EYS: variants seen among roughly 807,000 people sequenced by gnomAD.
The protein encoded by EYS is EGF-like photoreceptor maintenance factor.
A neutral mutation model predicts 282.1 loss-of-function variants in EYS; 250 were observed. That is an observed-to-expected ratio of 0.89 (90% CI 0.80 to 0.98). The LOEUF (loss-of-function observed/expected upper bound fraction) is 0.98, where lower values mean the gene tolerates loss of function less well. Among genes scored for constraint, EYS ranks in the 50% least tolerant of loss-of-function variants. The pLI, the probability that EYS is intolerant of heterozygous loss-of-function variation, is 0.00. For missense variants in EYS, 4,016 were observed against 3,709.0 expected (o/e 1.08, Z -2.15); for synonymous variants, 1,355 against 1,282.9 (o/e 1.06, Z -1.20).
chr6:64,581,243 T>C (rs759743947), intron 26 of EYS, among the ~76,000 whole-genome samples: 1 of 152,004 alleles, frequency 6.6e-6, no homozygotes, highest in East Asian at 1.9e-4. Context: ...GATTCTAACA[T>C]TTAAGTGGTC....
At chr6:64,853,627 G>A (rs1453692495) in intron 19 of EYS, among the ~76,000 whole-genome samples, 1 of 152,134 alleles carries the variant, frequency 6.6e-6, no homozygotes, top group Non-Finnish European at 1.5e-5. Context: ...AAGCAGCTTG[G>A]TATTGGTAAC....
chr6:65,601,742 G>A (rs897813331), intron 2 of EYS, among the ~76,000 whole-genome samples: 9 of 152,014 alleles, frequency 5.9e-5, no homozygotes, highest in African/African-American at 2.2e-4. Flanking sequence ...GAATTTGTGG[G>A]AAAATGTCAA....
chr6:64,587,029 A>C (rs76764158), intron 26 of EYS, among the ~76,000 whole-genome samples: 1,707 of 152,208 alleles, frequency 0.011, 50 homozygotes, highest in East Asian at 0.11. Context: ...CAAAGACGTC[A>C]GAGAAAAGGA....
chr6:65,313,595 C>T (rs1389972096), intron 11 of EYS, among the ~76,000 whole-genome samples: 5 of 150,738 alleles, frequency 3.3e-5, no homozygotes, highest in South Asian at 2.1e-4. Context: ...GTTATTCTCA[C>T]GTTAGCTGTT....
At chr6:64,219,459 A>G (rs1766026253) in intron 31 of EYS, among the ~76,000 whole-genome samples, 1 of 152,218 alleles carries the variant, frequency 6.6e-6, no homozygotes. Flanking sequence ...ATGCATTACT[A>G]TCTCAATATA....
At chr6:64,760,801 C>A (rs186421165) in intron 22 of EYS, among the ~76,000 whole-genome samples, 1 of 152,088 alleles carries the variant, frequency 6.6e-6, no homozygotes, top group African/African-American at 2.4e-5. Flanking sequence ...ATGGATGCTT[C>A]GGTGGGAACC....
chr6:64,499,715 T>G (rs761855329), intron 26 of EYS, among the ~76,000 whole-genome samples: 1 of 152,126 alleles, frequency 6.6e-6, no homozygotes, highest in Non-Finnish European at 1.5e-5. Flanking sequence ...TGCTTTATAG[T>G]TCCTTAGTTG....
intron 22 of EYS, among the ~76,000 whole-genome samples, chr6:64,643,711 A>G (rs1443039212): frequency 1.3e-5 from 2 of 152,192 alleles, no homozygotes; most frequent in African/African-American, 4.8e-5. Flanking sequence ...CTTTCTCATG[A>G]TAGTGAATAA....
At chr6:64,356,796 T>C (rs1475098373) in intron 29 of EYS, among the ~76,000 whole-genome samples, 2 of 151,614 alleles carry the variant, frequency 1.3e-5, no homozygotes, top group East Asian at 3.9e-4. Flanking sequence ...TGTCTCCAAA[T>C]TGTCAAAATC....
At chr6:64,331,449 A>G (rs1428820778) in intron 29 of EYS, among the ~76,000 whole-genome samples, 3 of 152,084 alleles carry the variant, frequency 2.0e-5, no homozygotes, top group Non-Finnish European at 4.4e-5. Context: ...AGGAAGAGGA[A>G]ACCCTTACCA....
chr6:64,392,566 T>C (rs1017450019), intron 28 of EYS, among the ~76,000 whole-genome samples: 3 of 151,828 alleles, frequency 2.0e-5, no homozygotes, highest in African/African-American at 7.3e-5. Context: ...ATAAAGATGT[T>C]CTTTGAAACC....
intron 29 of EYS, among the ~76,000 whole-genome samples, chr6:64,321,451 T>C (rs550905202): frequency 6.6e-6 from 1 of 151,818 alleles, no homozygotes; most frequent in African/African-American, 2.4e-5. Context: ...AGTCCTATAC[T>C]TTTTTAGCCA....
At chr6:64,831,229 A>G (rs1010611972) in intron 19 of EYS, among the ~76,000 whole-genome samples, 1 of 152,020 alleles carries the variant, frequency 6.6e-6, no homozygotes, top group African/African-American at 2.4e-5. Flanking sequence ...GAATGCTTTT[A>G]AATTTTTTTG....
At chr6:64,750,550 A>C (rs943366488) in intron 22 of EYS, among the ~76,000 whole-genome samples, 13 of 152,174 alleles carry the variant, frequency 8.5e-5, no homozygotes, top group African/African-American at 2.9e-4. Flanking sequence ...AGCTAAGGTT[A>C]TACATTTGAA....
rs535208529 is a variant in EYS, at chr6:65,367,636, C to T, written c.1300-14019G>A. 2.4e-4 allele frequency among the ~76,000 whole-genome samples: 36 copies of T among 151,416 alleles called. 1 individual carries two copies. Among genetic ancestry groups the T allele is most frequent in the African/African-American group, 8.0e-4 (33 of 41,402 alleles). On this transcript the variant is annotated intron_variant, in intron 8 of 42. Coordinates refer to ENST00000503581, the MANE Select transcript of EYS (RefSeq NM_001142800.2). The stretch of plus-strand genomic sequence containing the variant: ...TTACAAAAGTTCCGCTGAAAAAAAG[C>T]GAGATACAAGATAAGCTTGCAACTC...
intron 30 of EYS, among the ~76,000 whole-genome samples, chr6:64,257,146 T>G (rs1183215371): frequency 6.6e-6 from 1 of 152,032 alleles, no homozygotes; most frequent in Non-Finnish European, 1.5e-5. Context: ...TACTCTTTAT[T>G]CTCTCTGCCA....
chr6:64,330,795 C>T (rs553702647), intron 29 of EYS, among the ~76,000 whole-genome samples: 6 of 152,104 alleles, frequency 3.9e-5, no homozygotes, highest in African/African-American at 1.4e-4. Context: ...GTTAAGATAT[C>T]AAGGACTTTT....
intron 37 of EYS, among the ~76,000 whole-genome samples, chr6:63,804,217 T>A (rs1483027173): frequency 6.6e-6 from 1 of 152,144 alleles, no homozygotes; most frequent in East Asian, 1.9e-4. Flanking sequence ...GGTTTCTCCA[T>A]GTTGGTCAGG....
chr6:65,334,411 G>A (rs757468395), intron 11 of EYS, among the ~76,000 whole-genome samples: 44 of 151,682 alleles, frequency 2.9e-4, no homozygotes, highest in Middle Eastern at 3.4e-3. Context: ...AGGAGTACAG[G>A]TGTGCACAAC....
Sources: allele counts gnomAD v4.1 joint callset (sites outside exome capture counted in the v4.1 genomes callset), GRCh38; gene constraint gnomAD v4.1.1; transcripts MANE v1.5; gene names NCBI Gene and HGNC (gene_info 2026-07-23, HGNC 2026-07-21).